Variants in ABCA9 observed in about 807,000 individuals in gnomAD.
ABCA9 encodes the protein ATP-binding cassette sub-family A member 9.
In ABCA9, 183 loss-of-function variants were observed where a neutral mutation model predicts 205.3. That is an observed-to-expected ratio of 0.89 (90% CI 0.79 to 1.01). The LOEUF (loss-of-function observed/expected upper bound fraction) is 1.01. ABCA9 is among the 50% of genes least tolerant of loss of function. The probability of loss-of-function intolerance (pLI) is 0.00; values close to 1 mark genes in which losing one functional copy is unlikely to be tolerated. For missense variants in ABCA9, 1,805 were observed against 1,912.4 expected, an observed-to-expected ratio of 0.94 and a Z score of 1.05; for synonymous variants, 651 against 683.3, an observed-to-expected ratio of 0.95 and a Z score of 0.74.
At chr17:69,007,677 C>T (rs2070196230) in intron 25 of ABCA9, 82 bp downstream of exon 25, 3 of 872,938 alleles carry the variant, frequency 3.4e-6, no homozygotes, top group South Asian at 3.3e-5. Flanking sequence ...TAATAATTTG[C>T]CACTCTGCTT....
In ABCA9 at chr17:69,029,219, T is replaced by C. The variant is rs1259459806; in HGVS notation, c.1454A>G (p.Asn485Ser). The change falls in exon 11 of 39, where the codon AAT becomes AGT. Residue 485 changes from asparagine to serine, a missense_variant. Coordinates refer to ENST00000340001, the MANE Select transcript of ABCA9 (RefSeq NM_080283.4). ...FCGKEAIRIKNLKKEYAGKCE... is the reference protein window; with the variant it reads ...FCGKEAIRIKSLKKEYAGKCE... ...CTTCCCTGCATATTCTTTTTTAAGA[T>C]TTTTGATTCTGAAAAAAAGAGGGAA... 3.9e-6 allele frequency: 6 copies of C among 1,556,564 alleles called. No individual in the cohort carries two copies. Among genetic ancestry groups the C allele is most frequent in the Non-Finnish European group, 5.3e-6 (6 of 1,138,538 alleles).
chr17:69,063,815 G>A (rs555519634), upstream of ABCA9, among the ~76,000 whole-genome samples: 23 of 152,196 alleles, frequency 1.5e-4, no homozygotes, highest in African/African-American at 4.3e-4. Context: ...CGCGTGATCC[G>A]CCCGCCTCGG....
intron 6 of ABCA9, among the ~76,000 whole-genome samples, chr17:69,036,871 C>CAAAA (rs781565554): frequency 0.018 from 86 of 4,714 alleles, 30 homozygotes; most frequent in East Asian, 0.059. Context: ...AAATGGAAAG[C>CAAAA]AAAAAAAAAA....
Position 69,032,091 on chromosome 17 carries a change from A to G in ABCA9, c.1445+17T>C, listed in dbSNP as rs1377625160. ...TGCCTGTTCTCCATTGGTGCCTCCA[A>G]GTAATTTATTGGTTACCTGATGGCT... is the stretch of plus-strand genomic sequence containing the variant. On this transcript the variant is annotated intron_variant, in intron 10 of 38. Coordinates refer to ENST00000340001, the MANE Select transcript of ABCA9 (RefSeq NM_080283.4). 6.9e-6 allele frequency: 11 copies of G among 1,597,448 alleles called. No homozygotes were observed. Among genetic ancestry groups the G allele is most frequent in the African/African-American group, 1.3e-5 (1 of 74,354 alleles).
chr17:69,003,296 C>G (rs2069962004), intron 25 of ABCA9, among the ~76,000 whole-genome samples: 1 of 151,660 alleles, frequency 6.6e-6, no homozygotes, highest in Non-Finnish European at 1.5e-5. Context: ...TTCAGGAGCT[C>G]TTTTAGGGCA....
rs2069606941 is a variant in ABCA9 at position 68,995,958 on chromosome 17, T to C, written c.3492A>G (p.Leu1164=). ...GAGGTATTAACATGGTGCCAAAAAATAGCCCTAGAAATCCATATTCATTTA... is the reference window on the plus strand; with the variant it reads ...GAGGTATTAACATGGTGCCAAAAAACAGCCCTAGAAATCCATATTCATTTA... ...TDLNEYGFLG[L]FFGTMLIPPF... Residue 1164 remains leucine, a synonymous_variant, in exon 26 of 39, where the codon CTA becomes CTG. Transcript: ENST00000340001. 3.1e-6 allele frequency: 5 copies of C among 1,613,616 alleles called. No individual in the cohort carries two copies. In the African/African-American group the frequency reaches 6.7e-5, roughly 22 times the overall value.
chr17:68,986,183 C>T lies in ABCA9; in HGVS notation c.4189G>A (p.Ala1397Thr), dbSNP rs142295838. Reference protein sequence around the residue: ...AAVKGLRKGDAMIAITRLVDA... With the variant: ...AAVKGLRKGDTMIAITRLVDA... Reference sequence around the variant, plus strand: ...AGGTACCGTGTGATGGCGATCATTGCGTCCCCTTTCCTGAGACCTTTCACG... The same window carrying T: ...AGGTACCGTGTGATGGCGATCATTGTGTCCCCTTTCCTGAGACCTTTCACG... The change falls in exon 32 of 39, where the codon GCA (alanine) becomes ACA (threonine). Residue 1397 changes from alanine to threonine, a missense_variant. Transcript: ENST00000340001. 1.6e-4 allele frequency: 265 copies of T among 1,611,676 alleles called. 2 individuals carry two copies. The highest frequency in any genetic ancestry group is 8.2e-4 in the South Asian group (74 of 90,584).
At chr17:69,055,145 C>A (rs2072030616) in intron 1 of ABCA9, among the ~76,000 whole-genome samples, 1 of 152,048 alleles carries the variant, frequency 6.6e-6, no homozygotes, top group Admixed American at 6.6e-5. Flanking sequence ...AGATACTAAT[C>A]CAATATGTCA....
At chr17:69,028,838 C>A in intron 11 of ABCA9, among the ~76,000 whole-genome samples, 193 bp from the exon 12 acceptor site, 1 of 152,034 alleles carries the variant, frequency 6.6e-6, no homozygotes, top group East Asian at 1.9e-4. Context: ...TGTTATTATG[C>A]AATTAATTTT....
At chr17:68,977,045 A>G (rs1048000805) in intron 37 of ABCA9, among the ~76,000 whole-genome samples, 1 of 145,452 alleles carries the variant, frequency 6.9e-6, no homozygotes, top group Non-Finnish European at 1.5e-5. Flanking sequence ...TGTGAAGAAG[A>G]AATACAGTGG....
intron 3 of ABCA9, among the ~76,000 whole-genome samples, chr17:69,048,063 G>GA (rs935142355): frequency 1.3e-5 from 2 of 152,154 alleles, no homozygotes; most frequent in Non-Finnish European, 2.9e-5. Context: ...GCAAAGGGGG[G>GA]AAAACCCCTT....
intron 6 of ABCA9, among the ~76,000 whole-genome samples, chr17:69,037,248 T>G (rs2071375583): frequency 6.6e-6 from 1 of 152,124 alleles, no homozygotes; most frequent in African/African-American, 2.4e-5. Flanking sequence ...CCACCCAAAA[T>G]CAACAGAATA....
At position 69,006,056 on chromosome 17, in the gene ABCA9, AT is replaced by A. The variant is rs539366877; in HGVS notation, c.3435+1702del. ...GTTTATTTTAACAAACATATAGCTAATTTTTTTAACCCAGTCTGGAAGTCAT... is the reference window on the plus strand; with the variant it reads ...GTTTATTTTAACAAACATATAGCTAATTTTTTAACCCAGTCTGGAAGTCAT... On this transcript the variant is annotated intron_variant, in intron 25 of 38. Coordinates refer to ENST00000340001, the MANE Select transcript of ABCA9 (RefSeq NM_080283.4). Among the ~76,000 whole-genome samples, 16 of 152,248 alleles carry A rather than the reference AT, an allele frequency of 1.1e-4. No individual in the cohort carries two copies. The East Asian group carries it at 3.1e-3, about 29-fold the overall frequency.
At chr17:69,061,983 T>C (rs540922096), upstream of ABCA9, among the ~76,000 whole-genome samples, 190 of 152,306 alleles carry the variant, frequency 1.2e-3, no homozygotes, top group Non-Finnish European at 1.7e-3. Context: ...TCATGGACCA[T>C]GATAACCAAA....
the ABCA9 span, chr17:69,078,911 T>C: frequency 2.1e-6 from 2 of 943,828 alleles, no homozygotes; most frequent in Non-Finnish European, 3.1e-6. Context: ...AAACATACTA[T>C]TAATTATTAC....
chr17:69,052,977 G>T (rs1325193722), intron 1 of ABCA9, among the ~76,000 whole-genome samples: 1 of 152,180 alleles, frequency 6.6e-6, no homozygotes, highest in Non-Finnish European at 1.5e-5. Flanking sequence ...GGCAGAGTGT[G>T]CAGGACAGGA....
chr17:68,986,108 T>C lies in ABCA9; in HGVS notation c.4208+56A>G, dbSNP rs1427500708. 2.0e-6 allele frequency: 3 copies of C among 1,511,622 alleles called. No individual in the cohort carries two copies. The African/African-American group carries it at 4.2e-5, about 21-fold the overall frequency. The allele number at this position is 1,511,622 out of a possible 1,614,324, so 93.6% of individuals were successfully genotyped here. A position where few individuals can be genotyped will look rare whatever the true frequency, so the allele number is the denominator to read the frequency against. On this transcript the variant is annotated intron_variant, in intron 32 of 38. Coordinates refer to ENST00000340001, the MANE Select transcript of ABCA9 (RefSeq NM_080283.4). ...CCTCCCTGTCTTCATTTTGTGTGTA[T>C]GTTATTAATACAACATCCCCTCCAG...
intron 19 of ABCA9, among the ~76,000 whole-genome samples, chr17:69,019,417 A>T (rs2070741792): frequency 6.6e-6 from 1 of 152,110 alleles, no homozygotes; most frequent in Non-Finnish European, 1.5e-5. Flanking sequence ...TCAGATTAAT[A>T]GTTCTTTAGA....
At chr17:69,078,742 C>G in the ABCA9 span, 140 of 348,164 alleles carry the variant, frequency 4.0e-4, no homozygotes, top group Non-Finnish European at 9.2e-5. Flanking sequence ...TACCCAGTGC[C>G]TGACTCTTTG....
Sources: gnomAD v4.1 joint callset for allele counts (sites outside exome capture counted in the v4.1 genomes callset) on GRCh38, gnomAD v4.1.1 for gene constraint, MANE v1.5 for transcripts, NCBI Gene and HGNC (gene_info 2026-07-23, HGNC 2026-07-21) for gene names.